Variants in ENOX1 observed in about 807,000 individuals in gnomAD.
ENOX1 encodes the protein ecto-NOX disulfide-thiol exchanger 1.
A neutral mutation model predicts 82.5 loss-of-function variants in ENOX1; 42 were observed. The ratio of observed to expected loss-of-function variants is 0.51; its 90% CI spans 0.40 to 0.66. The LOEUF (loss-of-function observed/expected upper bound fraction) is 0.66, where lower values mean the gene tolerates loss of function less well. Among genes scored for constraint, ENOX1 ranks in the 30% least tolerant of loss-of-function variants. ENOX1 has a pLI of 0.00. For missense variants in ENOX1, 608 were observed against 811.6 expected (o/e 0.75, Z 3.05); for synonymous variants, 271 against 282.2 (o/e 0.96, Z 0.40).
At chr13:43,343,319 A>G (rs2049174712) in intron 9 of ENOX1, among the ~76,000 whole-genome samples, 1 of 152,192 alleles carries the variant, frequency 6.6e-6, no homozygotes, top group African/African-American at 2.4e-5. Context: ...TTCTAGACAT[A>G]CACTCTTAAG....
intron 3 of ENOX1, among the ~76,000 whole-genome samples, chr13:43,466,202 A>G (rs1351152764): frequency 6.6e-6 from 1 of 152,124 alleles, no homozygotes; most frequent in Non-Finnish European, 1.5e-5. Context: ...GAAAATTCCA[A>G]TAATAAAAGA....
intron 13 of ENOX1, among the ~76,000 whole-genome samples, chr13:43,268,747 T>C (rs908962335): frequency 6.6e-6 from 1 of 152,222 alleles, no homozygotes; most frequent in African/African-American, 2.4e-5. Context: ...GGTAACTGTA[T>C]GCAACTTTTT....
intron 2 of ENOX1, among the ~76,000 whole-genome samples, chr13:43,612,210 C>T (rs1481096322): frequency 6.6e-6 from 1 of 152,130 alleles, no homozygotes; most frequent in African/African-American, 2.4e-5. Context: ...GCCAGGCAAG[C>T]TCTTTTTGAA....
At chr13:43,773,321 C>A (rs1951745303) in intron 1 of ENOX1, among the ~76,000 whole-genome samples, 1 of 152,172 alleles carries the variant, frequency 6.6e-6, no homozygotes, top group Non-Finnish European at 1.5e-5. Flanking sequence ...TAAAATGGTT[C>A]ATTTTGTGTC....
chr13:43,295,879 A>T (rs1250351340), intron 12 of ENOX1, among the ~76,000 whole-genome samples: 7 of 152,222 alleles, frequency 4.6e-5, no homozygotes, highest in African/African-American at 1.4e-4. Context: ...TCTGCCACAG[A>T]GATAGCCATA....
intron 2 of ENOX1, among the ~76,000 whole-genome samples, chr13:43,609,150 T>A (rs1397773274): frequency 6.6e-6 from 1 of 152,198 alleles, no homozygotes; most frequent in African/African-American, 2.4e-5. Flanking sequence ...CTGTGTCTTT[T>A]TACGATCAGG....
chr13:43,701,300 C>T (rs2086895833), intron 1 of ENOX1, among the ~76,000 whole-genome samples: 1 of 152,114 alleles, frequency 6.6e-6, no homozygotes, highest in South Asian at 2.1e-4. Flanking sequence ...GTTGTGGTGA[C>T]CCATCTTAGT....
chr13:43,474,971 G>C (rs905287325), intron 3 of ENOX1, among the ~76,000 whole-genome samples: 3 of 152,102 alleles, frequency 2.0e-5, no homozygotes, highest in Non-Finnish European at 2.9e-5. Flanking sequence ...TTGCAGGTTT[G>C]CTGGTGATTT....
At chr13:43,552,756 C>G (rs2153700493) in intron 2 of ENOX1, among the ~76,000 whole-genome samples, 1 of 152,260 alleles carries the variant, frequency 6.6e-6, no homozygotes, top group South Asian at 2.1e-4. Context: ...TAGTCCTCTG[C>G]CTGTCTTAAT....
At chr13:43,726,718 TTGTGTGTGTGTGTGTGTGTG>T (rs55918525) in intron 1 of ENOX1, among the ~76,000 whole-genome samples, 1 of 144,690 alleles carries the variant, frequency 6.9e-6, no homozygotes, top group Non-Finnish European at 1.5e-5. Context: ...GCATTGACTT[TTGTGTGTGTGTGTGTGTGTG>T]TGTGTGTGTG....
chr13:43,287,614 A>T (rs976886567), intron 12 of ENOX1, among the ~76,000 whole-genome samples: 2 of 152,230 alleles, frequency 1.3e-5, no homozygotes, highest in Admixed American at 6.5e-5. Context: ...CTTAGGTGGC[A>T]TCAGTACGGC....
chr13:43,724,020 G>A (rs1359088810), intron 1 of ENOX1, among the ~76,000 whole-genome samples: 1 of 152,078 alleles, frequency 6.6e-6, no homozygotes, highest in African/African-American at 2.4e-5. Context: ...AAATTATACT[G>A]TAATACCTAT....
rs1393386995 is a variant in ENOX1, at chr13:43,784,846, A to G, written c.-285+1806T>C. On this transcript the variant is annotated intron_variant, in intron 1 of 16. Coordinates refer to ENST00000690772, the MANE Select transcript of ENOX1 (RefSeq NM_001347969.2). Reference sequence around the variant, plus strand: ...TAAGAATTACAATATTCTTAGATGTACAGACACAACATCAAAACAGCCTGA... The same window carrying G: ...TAAGAATTACAATATTCTTAGATGTGCAGACACAACATCAAAACAGCCTGA... 2.0e-5 allele frequency among the ~76,000 whole-genome samples: 3 copies of G among 152,270 alleles called. No individual in the cohort carries two copies. The East Asian group carries it at 5.8e-4, about 29-fold the overall frequency.
chr13:43,397,181 C>T (rs541882074), intron 5 of ENOX1, among the ~76,000 whole-genome samples: 1 of 152,344 alleles, frequency 6.6e-6, no homozygotes, highest in Non-Finnish European at 1.5e-5. Flanking sequence ...ATGAAATCAT[C>T]GTTTTCCTCT....
chr13:43,449,191 A>C (rs1275905233), intron 3 of ENOX1, among the ~76,000 whole-genome samples: 1 of 152,158 alleles, frequency 6.6e-6, no homozygotes, highest in African/African-American at 2.4e-5. Context: ...TAAATAAGTC[A>C]TTATTTCACG....
rs540853420 is a variant in ENOX1, at chr13:43,410,180, A to G, written c.208+1736T>C. Among the ~76,000 whole-genome samples, 20 of 152,326 alleles carry G rather than the reference A, an allele frequency of 1.3e-4. No homozygotes were observed. The South Asian group carries it at 2.3e-3, about 17-fold the overall frequency. On this transcript the variant is annotated intron_variant, in intron 5 of 16. Coordinates refer to ENST00000690772, the MANE Select transcript of ENOX1 (RefSeq NM_001347969.2). ...TTATGAAGGTTTTGGCTTACTCTAG[A>G]AGTCGTACTACATTTTCTGAGAGAA...
chr13:43,631,573 A>AT (rs1314022683), intron 2 of ENOX1, among the ~76,000 whole-genome samples: 5 of 151,688 alleles, frequency 3.3e-5, no homozygotes, highest in Non-Finnish European at 7.4e-5. Context: ...AAGGTAAGAA[A>AT]TTTTTTTTTG....
chr13:43,381,833 C>T (rs2052072238), intron 5 of ENOX1, among the ~76,000 whole-genome samples: 1 of 151,904 alleles, frequency 6.6e-6, no homozygotes, highest in Admixed American at 6.6e-5. Context: ...ATCTATATAG[C>T]TCTGTATCTA....
At chr13:43,783,102 T>C (rs1341447897) in intron 1 of ENOX1, among the ~76,000 whole-genome samples, 1 of 152,204 alleles carries the variant, frequency 6.6e-6, no homozygotes, top group East Asian at 1.9e-4. Flanking sequence ...CAATACAATC[T>C]TGAGTCTCAT....
Sources: gnomAD v4.1 joint callset for allele counts (sites outside exome capture counted in the v4.1 genomes callset) on GRCh38, gnomAD v4.1.1 for gene constraint, MANE v1.5 for transcripts, NCBI Gene and HGNC (gene_info 2026-07-23, HGNC 2026-07-21) for gene names.